GPR158: variants seen among roughly 807,000 people sequenced by gnomAD.
GPR158 encodes the protein G protein-coupled receptor 158.
A neutral mutation model predicts 78.2 loss-of-function variants in GPR158; 30 were observed. That is an observed-to-expected ratio of 0.38 (90% CI 0.29 to 0.52). The LOEUF (loss-of-function observed/expected upper bound fraction) is 0.52. Ranked by LOEUF, GPR158 falls within the 20% of genes least tolerant of loss-of-function variation. The pLI is 0.83. For synonymous variants in GPR158, 581 were observed against 591.1 expected, an observed-to-expected ratio of 0.98 and a Z score of 0.25; for missense variants, 1,463 against 1,523.5, an observed-to-expected ratio of 0.96 and a Z score of 0.66.
intron 2 of GPR158, among the ~76,000 whole-genome samples, chr10:25,235,693 ATTTTTTTTT>A (rs930396368): frequency 8.8e-6 from 1 of 113,822 alleles, no homozygotes; most frequent in African/African-American, 3.4e-5. Flanking sequence ...TTGCACAGTA[ATTTTTTTTT>A]TTTTTTTTTT....
In GPR158 at chr10:25,175,531, G is replaced by A. The variant is rs776012582; in HGVS notation, c.111G>A (p.Glu37=). 2.5e-6 allele frequency: 4 copies of A among 1,612,186 alleles called. No individual in the cohort carries two copies. In the South Asian group the frequency reaches 3.3e-5, roughly 13 times the overall value. The change falls in exon 1 of 11, where the codon GAG becomes GAA. Residue 37 remains glutamate, a synonymous_variant. Coordinates refer to ENST00000376351, the MANE Select transcript of GPR158 (RefSeq NM_020752.3). The surrounding 1 kb of genome is among the most constrained non-coding windows in gnomAD (Gnocchi z 6.4). ...DPQGRPDSPR[E]RTPKGKPHAQ... ...AAGGACGGCCGGATTCCCCTCGAGA[G>A]AGGACCCCGAAGGGGAAGCCGCACG...
chr10:25,263,462 C>A (rs1414589268), intron 2 of GPR158, among the ~76,000 whole-genome samples: 1 of 152,130 alleles, frequency 6.6e-6, no homozygotes, highest in African/African-American at 2.4e-5. Context: ...AGTCCTCCAA[C>A]TTTGTTCTCC....
At chr10:25,519,710 C>A (rs1164232140) in intron 5 of GPR158, among the ~76,000 whole-genome samples, 17 of 129,088 alleles carry the variant, frequency 1.3e-4, no homozygotes, top group Non-Finnish European at 2.0e-4. Flanking sequence ...CCCCCACTCT[C>A]TTCTGGCTTG....
chr10:25,364,873 C>A (rs1353279425), intron 2 of GPR158, among the ~76,000 whole-genome samples: 1 of 151,680 alleles, frequency 6.6e-6, no homozygotes, highest in Non-Finnish European at 1.5e-5. Flanking sequence ...GCAGACAAGG[C>A]AAAGCATACT....
intron 7 of GPR158, among the ~76,000 whole-genome samples, chr10:25,585,908 G>A (rs1477343499): frequency 3.3e-5 from 5 of 152,168 alleles, no homozygotes; most frequent in Non-Finnish European, 7.3e-5. Context: ...GAACCCTGGA[G>A]GCAGAGGTTG....
At chr10:25,552,194 A>G (rs1836735335) in intron 6 of GPR158, among the ~76,000 whole-genome samples, 1 of 152,132 alleles carries the variant, frequency 6.6e-6, no homozygotes, top group Non-Finnish European at 1.5e-5. Context: ...TTTAGCCTCT[A>G]ACTCTAATAA....
chr10:25,506,464 A>C (rs993547210), intron 5 of GPR158, among the ~76,000 whole-genome samples: 5 of 152,218 alleles, frequency 3.3e-5, no homozygotes, highest in African/African-American at 1.2e-4. Flanking sequence ...TGAAAATATA[A>C]GTAAAGAAGA....
At chr10:25,339,115 C>G (rs950202292) in intron 2 of GPR158, among the ~76,000 whole-genome samples, 1 of 150,488 alleles carries the variant, frequency 6.6e-6, no homozygotes, top group African/African-American at 2.4e-5. Context: ...CTTCCAAGTA[C>G]CTGGGACTAC....
At chr10:25,251,618 C>G (rs919671387) in intron 2 of GPR158, among the ~76,000 whole-genome samples, 60 of 150,638 alleles carry the variant, frequency 4.0e-4, no homozygotes, top group African/African-American at 1.4e-3. Flanking sequence ...AAATTCTTTT[C>G]TTTAAGAATG....
At chr10:25,582,568 C>G (rs1021364256) in intron 7 of GPR158, among the ~76,000 whole-genome samples, 6 of 152,146 alleles carry the variant, frequency 3.9e-5, no homozygotes, top group Non-Finnish European at 8.8e-5. Flanking sequence ...GCCCCCAGCT[C>G]CTAGGGAGTG....
At chr10:25,195,770 A>T (rs1852835827) in intron 1 of GPR158, among the ~76,000 whole-genome samples, 1 of 152,146 alleles carries the variant, frequency 6.6e-6, no homozygotes, top group South Asian at 2.1e-4. Flanking sequence ...CAGACAGGAT[A>T]TGTAGAATTT....
chr10:25,454,827 A>G (rs2130605416), intron 4 of GPR158, among the ~76,000 whole-genome samples: 1 of 152,292 alleles, frequency 6.6e-6, no homozygotes, highest in South Asian at 2.1e-4. Flanking sequence ...CTTATTCTCT[A>G]AATCATAGAA....
chr10:25,292,828 G>T (rs2130766359), intron 2 of GPR158, among the ~76,000 whole-genome samples: 1 of 152,106 alleles, frequency 6.6e-6, no homozygotes, highest in South Asian at 2.1e-4. Context: ...TTTTCTACAA[G>T]AATAATTTAT....
intron 6 of GPR158, among the ~76,000 whole-genome samples, chr10:25,566,938 G>A (rs1836937342): frequency 6.6e-6 from 1 of 151,958 alleles, no homozygotes; most frequent in Non-Finnish European, 1.5e-5. Context: ...GGACTCTTTT[G>A]TCAATAATTG....
intron 4 of GPR158, among the ~76,000 whole-genome samples, chr10:25,446,258 G>T (rs1835137401): frequency 6.6e-6 from 1 of 152,146 alleles, no homozygotes; most frequent in Admixed American, 6.6e-5. Context: ...AACTAGTGCA[G>T]AGATGCCTTA....
chr10:25,292,249 G>A (rs1037445219), intron 2 of GPR158, among the ~76,000 whole-genome samples: 10 of 151,986 alleles, frequency 6.6e-5, no homozygotes, highest in South Asian at 2.1e-4. Context: ...TCAAAATTCC[G>A]TGTCCTTTGA....
chr10:25,513,161 G>C (rs1836107131), intron 5 of GPR158, among the ~76,000 whole-genome samples: 1 of 149,594 alleles, frequency 6.7e-6, no homozygotes, highest in African/African-American at 2.5e-5. Flanking sequence ...AATTCATCTG[G>C]TCCTGGATTT....
At chr10:25,216,442 G>T (rs1055545259) in intron 1 of GPR158, among the ~76,000 whole-genome samples, 3 of 151,664 alleles carry the variant, frequency 2.0e-5, no homozygotes, top group African/African-American at 7.3e-5. Flanking sequence ...AGCAGTTTAT[G>T]ATACTTTCAA....
chr10:25,444,344 G>A (rs1189184577), intron 4 of GPR158, among the ~76,000 whole-genome samples: 2 of 151,802 alleles, frequency 1.3e-5, no homozygotes, highest in Admixed American at 6.6e-5. Context: ...TGGGTTGTAT[G>A]TGTGGAAGTG....
Sources: allele counts gnomAD v4.1 joint callset (sites outside exome capture counted in the v4.1 genomes callset), GRCh38; gene constraint gnomAD v4.1.1; non-coding constraint Gnocchi (gnomAD v3.1); transcripts MANE v1.5; gene names NCBI Gene and HGNC (gene_info 2026-07-23, HGNC 2026-07-21).